The following OPN4 variants were observed in gnomAD, a reference collection of about 807,000 sequenced individuals.
OPN4 encodes melanopsin.
Under a neutral mutation model 49.5 loss-of-function variants are expected in OPN4, and 43 were observed. That is an observed-to-expected ratio of 0.87 (90% CI 0.68 to 1.12). OPN4 has a LOEUF of 1.12. Ranked by LOEUF, OPN4 falls within the 50% of genes most tolerant of loss-of-function variation. The pLI, the probability that OPN4 is intolerant of heterozygous loss-of-function variation, is 0.00. For synonymous variants in OPN4, 263 were observed against 258.0 expected (o/e 1.02, Z -0.19); for missense variants, 657 against 643.9 (o/e 1.02, Z -0.22).
Position 86,658,590 on chromosome 10 carries a change from C to T in OPN4, c.531C>T (p.Ala177=), listed in dbSNP as rs1202980188. Residue 177 remains alanine (A), a synonymous_variant, in exon 4 of 10, where the codon GCC becomes GCT. Transcript: ENST00000241891. ...DRYLVITRPL[A]TFGVASKRRA... ...ACCTGGTAATCACACGCCCGCTGGC[C>T]ACCTTTGGTGTGGCGTCCAAGAGGC... 2.5e-6 allele frequency: 4 copies of T among 1,614,220 alleles called. No homozygotes were observed. The highest frequency in any genetic ancestry group is 1.7e-5 in the Admixed American group (1 of 60,028).
chr10:86,659,301 C>A lies in OPN4; in HGVS notation c.633C>A (p.Ala211=). 6.2e-7 allele frequency: 1 copy of A among 1,611,460 alleles called. No homozygotes were observed. The highest frequency in any genetic ancestry group is 1.3e-5 in the African/African-American group (1 of 75,072). The change falls in exon 5 of 10, where the codon GCC becomes GCA. Residue 211 remains alanine, a synonymous_variant. Coordinates refer to ENST00000241891, the MANE Select transcript of OPN4 (RefSeq NM_033282.4). ...WSLPPFFGWS[A]YVPEGLLTSC... Reference sequence around the variant, plus strand: ...AGCACCTGCCCTGGCTCCCAGGCGCCTACGTGCCCGAGGGGTTGCTGACAT... The same window carrying A: ...AGCACCTGCCCTGGCTCCCAGGCGCATACGTGCCCGAGGGGTTGCTGACAT...
rs111314955 is a variant in OPN4 at position 86,663,787 on chromosome 10, A to C, written c.1383A>C (p.Ala461=). 1 of 1,554,016 alleles carries C rather than the reference A, an allele frequency of 6.4e-7. No homozygotes were observed. Among genetic ancestry groups the C allele is most frequent in the African/African-American group, 1.4e-5 (1 of 73,154 alleles). The part of the protein sequence containing the change: ...KAPPRPQGHE[A]ETPGKTKGLI... ...CCCCCAGACCCCAGGGACACGAAGC[A>C]GAGACTCCAGGGAAGGTGACTGGGC... Residue 461 remains alanine, a synonymous_variant, in exon 9 of 10, where the codon GCA becomes GCC. Coordinates refer to ENST00000241891, the MANE Select transcript of OPN4 (RefSeq NM_033282.4).
chr10:86,662,534 G>A, intron 8 of OPN4, 102 bp downstream of exon 8: 2 of 1,157,574 alleles, frequency 1.7e-6, no homozygotes, highest in African/African-American at 3.1e-5. Flanking sequence ...CTGCCTCTGA[G>A]ACTCAGGGAC....
In OPN4 at chr10:86,654,739, C is replaced by T; in HGVS notation, c.-45C>T. On this transcript the variant is annotated 5_prime_UTR_variant, in exon 1 of 10. Transcript: ENST00000241891. Reference sequence around the variant, plus strand: ...AGCTGAAGTCCTGAGCTCCCTGTGCCCTTGACTTCTCTGTGGGCTCGAGCA... The same window carrying T: ...AGCTGAAGTCCTGAGCTCCCTGTGCTCTTGACTTCTCTGTGGGCTCGAGCA... 1.9e-6 allele frequency: 3 copies of T among 1,582,762 alleles called. No homozygotes were observed. The highest frequency in any genetic ancestry group is 2.6e-6 in the Non-Finnish European group (3 of 1,157,676).
chr10:86,657,719 C>T (rs1362749463), intron 2 of OPN4, among the ~76,000 whole-genome samples: 1 of 152,076 alleles, frequency 6.6e-6, no homozygotes, highest in African/African-American at 2.4e-5. Flanking sequence ...ACGGACATGA[C>T]CCAAGAACCG....
chr10:86,657,536 G>A (rs965821692), intron 2 of OPN4, among the ~76,000 whole-genome samples: 7 of 152,166 alleles, frequency 4.6e-5, no homozygotes, highest in African/African-American at 7.2e-5. Context: ...GGGGACCCGC[G>A]GAGGAGGGAA....
At chr10:86,664,755 C>T (rs570544689) in intron 9 of OPN4, among the ~76,000 whole-genome samples, 8 of 152,270 alleles carry the variant, frequency 5.3e-5, no homozygotes, top group East Asian at 3.9e-4. Flanking sequence ...CCCCCGGGGG[C>T]CCCGCACCCT....
intron 7 of OPN4, among the ~76,000 whole-genome samples, 173 bp downstream of exon 7, chr10:86,661,561 C>G (rs898108986): frequency 3.3e-5 from 5 of 152,148 alleles, no homozygotes; most frequent in Non-Finnish European, 7.4e-5. Flanking sequence ...CTCCCTCCCC[C>G]GCCCCAGCTT....
rs574548424 is a variant in OPN4 at position 86,654,940 on chromosome 10, G to T, written c.144+13G>T. The T allele has an allele frequency of 6.2e-7, 1 of 1,612,854 alleles. No homozygotes were observed. The highest frequency in any genetic ancestry group is 8.5e-7 in the Non-Finnish European group (1 of 1,179,404). On this transcript the variant is annotated intron_variant, in intron 1 of 9. Transcript: ENST00000241891. The stretch of plus-strand genomic sequence containing the variant: ...CATCAGTCCCACAGTAAGCCTGGGC[G>T]AGCATGTGCATGCACAGAGCCTTCC...
At chr10:86,660,235 G>A (rs1409478761) in intron 6 of OPN4, among the ~76,000 whole-genome samples, 176 bp downstream of exon 6, 6 of 152,222 alleles carry the variant, frequency 3.9e-5, no homozygotes, top group Admixed American at 2.6e-4. Flanking sequence ...TGGGTGGGGG[G>A]CCACCTAGTT....
At chr10:86,655,641 T>C (rs1474885015) in intron 1 of OPN4, among the ~76,000 whole-genome samples, 1 of 152,174 alleles carries the variant, frequency 6.6e-6, no homozygotes. Flanking sequence ...GCATCAAGGT[T>C]AGCTGTACCC....
In OPN4 at chr10:86,662,305, G is replaced by A. The variant is rs35130918; in HGVS notation, c.1127G>A (p.Arg376His). 2.6e-3 allele frequency: 4,223 copies of A among 1,608,444 alleles called. 11 individuals are homozygous for A. The highest frequency in any genetic ancestry group is 4.0e-3 in the South Asian group (355 of 89,690). ...CTGGGGGTGCTGCTGGGTGTATCACGCCGGCACAGTCGCCCCTACCCCAGC... is the reference window on the plus strand; with the variant it reads ...CTGGGGGTGCTGCTGGGTGTATCACACCGGCACAGTCGCCCCTACCCCAGC... ...PCLGVLLGVS[R>H]RHSRPYPSYR... The change falls in exon 8 of 10, where the codon CGC becomes CAC. Residue 376 changes from arginine to histidine, a missense_variant. By Grantham distance (29) the Arg-to-His change is conservative (BLOSUM62 0). Transcript: ENST00000241891.
At position 86,654,811 on chromosome 10, in the gene OPN4, C is replaced by A; in HGVS notation, c.28C>A (p.Pro10Thr). The A allele has an allele frequency of 1.2e-6, 2 of 1,610,770 alleles. No homozygotes were observed. Among genetic ancestry groups the A allele is most frequent in the Non-Finnish European group, 1.7e-6 (2 of 1,177,252 alleles). MNPPSGPRVPPSPTQEPSCM... is the reference protein window; with the variant it reads MNPPSGPRVTPSPTQEPSCM... ...GAACCCTCCTTCGGGGCCAAGAGTC[C>A]CGCCCAGCCCAACCCAAGAGCCCAG... The change falls in exon 1 of 10, where the codon CCG becomes ACG. Residue 10 changes from proline to threonine, a missense_variant. By Grantham distance (38) the Pro-to-Thr change is conservative. Coordinates refer to ENST00000241891, the MANE Select transcript of OPN4 (RefSeq NM_033282.4).
chr10:86,662,033 C>G (rs1844019538), intron 7 of OPN4, among the ~76,000 whole-genome samples: 1 of 152,172 alleles, frequency 6.6e-6, no homozygotes, highest in African/African-American at 2.4e-5. Flanking sequence ...CAGAATCTCT[C>G]TGTCCCTCCC....
chr10:86,665,560 C>T (rs1407988815), intron 9 of OPN4, among the ~76,000 whole-genome samples, 153 bp from the exon 10 acceptor site: 1 of 152,084 alleles, frequency 6.6e-6, no homozygotes, highest in Non-Finnish European at 1.5e-5. Context: ...GGGATGTGGA[C>T]TCTGGGAAGG....
At chr10:86,658,199 G>T (rs757119574) in intron 3 of OPN4, 34 bp downstream of exon 3, 2 of 1,609,366 alleles carry the variant, frequency 1.2e-6, no homozygotes, top group East Asian at 4.5e-5. Context: ...CTGGAGGGAG[G>T]AGGAGGGTTT....
At chr10:86,663,975 A>T in intron 9 of OPN4, 173 bp downstream of exon 9, 1 of 721,124 alleles carries the variant, frequency 1.4e-6, no homozygotes, top group South Asian at 2.0e-5. Context: ...GTTCTCTGTG[A>T]CTCTGAGATG....
intron 2 of OPN4, among the ~76,000 whole-genome samples, chr10:86,656,800 C>G (rs1486680784): frequency 6.6e-6 from 1 of 152,022 alleles, no homozygotes; most frequent in Admixed American, 6.6e-5. Context: ...CAAAAATTAG[C>G]CAGGTGTGGT....
intron 8 of OPN4, among the ~76,000 whole-genome samples, chr10:86,663,145 G>A (rs12261056): frequency 0.023 from 3,428 of 152,242 alleles, 133 homozygotes; most frequent in African/African-American, 0.078. Flanking sequence ...GTGCGCCACC[G>A]GCTCCTGTTC....
Sources: gnomAD v4.1 joint callset for allele counts (sites outside exome capture counted in the v4.1 genomes callset) on GRCh38, gnomAD v4.1.1 for gene constraint, MANE v1.5 for transcripts, NCBI Gene and HGNC (gene_info 2026-07-23, HGNC 2026-07-21) for gene names.